GFRA1: variants seen among roughly 807,000 people sequenced by gnomAD.
GFRA1 encodes the protein GDNF family receptor alpha 1.
GFRA1 carries 16 observed loss-of-function variants against 51.6 expected under a neutral mutation model. The ratio of observed to expected loss-of-function variants is 0.31; its 90% CI spans 0.21 to 0.47. The LOEUF is 0.47. Among genes scored for constraint, GFRA1 ranks in the 20% least tolerant of loss-of-function variants. The pLI is 1.00. For synonymous variants in GFRA1, 270 were observed against 241.3 expected (o/e 1.12, Z -1.10); for missense variants, 530 against 594.3 (o/e 0.89, Z 1.13).
chr10:116,136,426 C>T (rs577103143), intron 5 of GFRA1, among the ~76,000 whole-genome samples: 1 of 152,188 alleles, frequency 6.6e-6, no homozygotes, highest in Non-Finnish European at 1.5e-5. Context: ...GACGCTGCTT[C>T]TCCCCAGAGA....
chr10:116,100,900 G>A (rs1438085296), intron 6 of GFRA1, among the ~76,000 whole-genome samples: 2 of 152,114 alleles, frequency 1.3e-5, no homozygotes, highest in East Asian at 3.9e-4. Context: ...TCGGACTGGA[G>A]GGGTGAGAAC....
intron 9 of GFRA1, among the ~76,000 whole-genome samples, chr10:116,083,195 C>T (rs1027523182): frequency 6.6e-6 from 1 of 152,178 alleles, no homozygotes; most frequent in Non-Finnish European, 1.5e-5. Flanking sequence ...AAGGAAAGTG[C>T]GGAAGAACTG....
At chr10:116,069,221 T>C (rs56249087) in intron 9 of GFRA1, among the ~76,000 whole-genome samples, 38,211 of 152,154 alleles carry the variant, frequency 0.25, 5,706 homozygotes, top group African/African-American at 0.42. Flanking sequence ...TTTTATTTTT[T>C]GAAAAATCAA....
chr10:116,117,557 G>GAA (rs1555152575), intron 6 of GFRA1, among the ~76,000 whole-genome samples: 1 of 97,348 alleles, frequency 1.0e-5, no homozygotes, highest in East Asian at 3.2e-4. Flanking sequence ...GGGTGGGTGT[G>GAA]TGGATGGATG....
intron 4 of GFRA1, 102 bp from the exon 5 acceptor site, chr10:116,211,747 C>T: frequency 1.1e-6 from 1 of 949,440 alleles, no homozygotes; most frequent in Non-Finnish European, 1.6e-6. Flanking sequence ...ATGACATATG[C>T]TGACTTTGCT....
chr10:116,101,191 T>C (rs72834540), intron 6 of GFRA1, among the ~76,000 whole-genome samples: 11,722 of 152,242 alleles, frequency 0.077, 566 homozygotes, highest in African/African-American at 0.13. Context: ...AATCACACTG[T>C]AATCAATGTC....
At chr10:116,269,120 C>G (rs923438645) in intron 4 of GFRA1, among the ~76,000 whole-genome samples, 15 of 152,130 alleles carry the variant, frequency 9.9e-5, no homozygotes, top group Admixed American at 6.6e-5. Context: ...ATAATCTGAA[C>G]AGATCCCATT....
chr10:116,129,392 T>G (rs1958011810), intron 5 of GFRA1, among the ~76,000 whole-genome samples: 1 of 152,290 alleles, frequency 6.6e-6, no homozygotes, highest in East Asian at 1.9e-4. Context: ...ATATATGTAA[T>G]TCACTGCACT....
intron 4 of GFRA1, among the ~76,000 whole-genome samples, chr10:116,259,663 G>A (rs1222699872): frequency 6.6e-6 from 1 of 152,132 alleles, no homozygotes; most frequent in African/African-American, 2.4e-5. Context: ...AATTAAAGAG[G>A]GAGAAAAGGG....
At chr10:116,252,877 G>A (rs749149508) in intron 4 of GFRA1, among the ~76,000 whole-genome samples, 21 of 152,152 alleles carry the variant, frequency 1.4e-4, no homozygotes, top group Non-Finnish European at 2.8e-4. Context: ...TAAACAACCT[G>A]CCTAAGTTAT....
At position 116,216,052 on chromosome 10, in the gene GFRA1, T is replaced by C. The variant is rs1965539689; in HGVS notation, c.419-4407A>G. Among the ~76,000 whole-genome samples the C allele has an allele frequency of 2.0e-5, 3 of 152,184 alleles. No individual in the cohort carries two copies. The South Asian group carries it at 6.2e-4, about 32-fold the overall frequency. On this transcript the variant is annotated intron_variant, in intron 4 of 10. Coordinates refer to ENST00000355422, the MANE Select transcript of GFRA1 (RefSeq NM_005264.8). ...AGTTAGGAATGAGCATCGAGGATAT[T>C]TGCCCCTTCCCCCACAGCTACTAAG...
At chr10:116,146,786 G>C (rs1958818104) in intron 5 of GFRA1, among the ~76,000 whole-genome samples, 1 of 152,140 alleles carries the variant, frequency 6.6e-6, no homozygotes, top group Admixed American at 6.5e-5. Context: ...AACGTGGAGG[G>C]AAGAAAGCTC....
chr10:116,236,071 G>A (rs1966868310), intron 4 of GFRA1, among the ~76,000 whole-genome samples: 1 of 152,112 alleles, frequency 6.6e-6, no homozygotes, highest in Non-Finnish European at 1.5e-5. Context: ...ATTCAAGGAG[G>A]AGAACAACAA....
chr10:116,079,499 G>A (rs780505638), intron 9 of GFRA1, among the ~76,000 whole-genome samples: 5 of 151,994 alleles, frequency 3.3e-5, no homozygotes, highest in Non-Finnish European at 5.9e-5. Flanking sequence ...AAGGAAAAGG[G>A]GGGTCTCTGA....
At position 116,082,611 on chromosome 10, in the gene GFRA1, G is replaced by A. The variant is rs185112089; in HGVS notation, c.1197+7130C>T. Among the ~76,000 whole-genome samples, 198 of 152,216 alleles carry A rather than the reference G, an allele frequency of 1.3e-3. 1 individual carries two copies. Among genetic ancestry groups the A allele is most frequent in the African/African-American group, 4.7e-3 (194 of 41,542 alleles). On this transcript the variant is annotated intron_variant, in intron 9 of 10. Coordinates refer to ENST00000355422, the MANE Select transcript of GFRA1 (RefSeq NM_005264.8). ...TTCTCCTGCTTCAGCCTCCTGAGTA[G>A]CTGGGATTACAGGCATGTGCCACCA...
At chr10:116,183,523 C>T (rs1305063301) in intron 5 of GFRA1, among the ~76,000 whole-genome samples, 1 of 151,556 alleles carries the variant, frequency 6.6e-6, no homozygotes. Flanking sequence ...ACTCCCACCC[C>T]TGAGTAGTTT....
intron 6 of GFRA1, among the ~76,000 whole-genome samples, chr10:116,108,818 C>T (rs2133957984): frequency 6.6e-6 from 1 of 152,362 alleles, no homozygotes; most frequent in South Asian, 2.1e-4. Flanking sequence ...GTCTTGCCTA[C>T]ACCAGGCAGA....
chr10:116,208,682 T>C (rs1014704022), intron 5 of GFRA1, among the ~76,000 whole-genome samples: 22 of 151,906 alleles, frequency 1.4e-4, no homozygotes, highest in African/African-American at 4.4e-4. Flanking sequence ...CTGAGTGGTA[T>C]TGTTGTGATT....
At chr10:116,127,788 C>A (rs1443239047) in intron 5 of GFRA1, among the ~76,000 whole-genome samples, 2 of 152,176 alleles carry the variant, frequency 1.3e-5, no homozygotes, top group Non-Finnish European at 1.5e-5. Context: ...GAGCCCAGGG[C>A]AGTGATTTAT....
Sources: gnomAD v4.1 joint callset for allele counts (sites outside exome capture counted in the v4.1 genomes callset) on GRCh38, gnomAD v4.1.1 for gene constraint, MANE v1.5 for transcripts, NCBI Gene and HGNC (gene_info 2026-07-23, HGNC 2026-07-21) for gene names.